RBFOX1: variants seen among roughly 807,000 people sequenced by gnomAD.
RBFOX1 encodes the protein RNA binding protein fox-1 homolog 1.
A neutral mutation model predicts 57.7 loss-of-function variants in RBFOX1; 8 were observed. The ratio of observed to expected loss-of-function variants is 0.14; its 90% CI spans 0.08 to 0.25. The LOEUF is 0.25. RBFOX1 is among the 10% of genes least tolerant of loss of function. The pLI is 1.00. For synonymous variants in RBFOX1, 326 were observed against 222.4 expected (o/e 1.47, Z -4.15); for missense variants, 611 against 548.5 (o/e 1.11, Z -1.14).
intron 1 of RBFOX1, among the ~76,000 whole-genome samples, chr16:5,282,056 T>C (rs765670756): frequency 4.6e-5 from 7 of 152,182 alleles, no homozygotes; most frequent in Non-Finnish European, 5.9e-5. Flanking sequence ...AGGGACCCAG[T>C]GGGACGTAGT....
chr16:5,700,281 C>T (rs974685339), intron 3 of RBFOX1, among the ~76,000 whole-genome samples: 1 of 152,098 alleles, frequency 6.6e-6, no homozygotes, highest in Non-Finnish European at 1.5e-5. Context: ...TATTCAAAAG[C>T]CCACTTTGAC....
intron 4 of RBFOX1, among the ~76,000 whole-genome samples, chr16:7,435,785 C>T (rs2098716886): frequency 6.6e-6 from 1 of 152,144 alleles, no homozygotes; most frequent in Non-Finnish European, 1.5e-5. Context: ...ACATCACAGC[C>T]ACAGTGCCAG....
At chr16:6,619,452 A>G (rs17140789) in intron 2 of RBFOX1, among the ~76,000 whole-genome samples, 18,673 of 152,240 alleles carry the variant, frequency 0.12, 1,434 homozygotes, top group Middle Eastern at 0.24. Context: ...TACATCAATT[A>G]CAGTTCAATC....
At chr16:5,559,435 C>A (rs189467480) in intron 2 of RBFOX1, among the ~76,000 whole-genome samples, 1 of 152,132 alleles carries the variant, frequency 6.6e-6, no homozygotes, top group Non-Finnish European at 1.5e-5. Context: ...AGGAAATAGA[C>A]TTATTTACAT....
chr16:5,500,220 C>A (rs543718975), intron 2 of RBFOX1, among the ~76,000 whole-genome samples: 1,640 of 115,024 alleles, frequency 0.014, 27 homozygotes, highest in African/African-American at 0.076. Flanking sequence ...GCATTCCGTT[C>A]CGTTCCGTTC....
chr16:5,569,438 CTTTTTTTTTT>C (rs796279138), intron 2 of RBFOX1, among the ~76,000 whole-genome samples: 19 of 49,208 alleles, frequency 3.9e-4, no homozygotes, highest in Admixed American at 1.1e-3. Flanking sequence ...AAGAAGTAAC[CTTTTTTTTTT>C]TTTTTTTTTT....
intron 4 of RBFOX1, among the ~76,000 whole-genome samples, chr16:7,277,522 T>C (rs916688290): frequency 6.6e-6 from 1 of 152,180 alleles, no homozygotes; most frequent in Non-Finnish European, 1.5e-5. Context: ...CTAGTGGTAA[T>C]TGAACCTAGA....
intron 4 of RBFOX1, among the ~76,000 whole-genome samples, chr16:7,052,851 T>A (rs1379029346): frequency 6.6e-6 from 1 of 152,178 alleles, no homozygotes; most frequent in Non-Finnish European, 1.5e-5. Flanking sequence ...GTGGATGAGA[T>A]TTAGATTATG....
intron 1 of RBFOX1, among the ~76,000 whole-genome samples, chr16:5,458,949 T>C (rs2068711433): frequency 1.3e-5 from 2 of 152,150 alleles, no homozygotes; most frequent in African/African-American, 4.8e-5. Flanking sequence ...CTTCAACTCT[T>C]CCAGGCTCTT....
At chr16:5,741,163 A>G (rs868418774) in intron 3 of RBFOX1, among the ~76,000 whole-genome samples, 16 of 152,128 alleles carry the variant, frequency 1.1e-4, no homozygotes, top group Admixed American at 2.6e-4. Context: ...CAGGCCATCA[A>G]CTTCCACGAG....
intron 3 of RBFOX1, among the ~76,000 whole-genome samples, chr16:6,805,354 C>T (rs1400767373): frequency 2.0e-5 from 3 of 152,068 alleles, no homozygotes; most frequent in African/African-American, 7.2e-5. Flanking sequence ...CACATGGACA[C>T]ACAGAGGGGA....
chr16:5,379,816 G>C (rs2066084465), intron 1 of RBFOX1, among the ~76,000 whole-genome samples: 1 of 152,174 alleles, frequency 6.6e-6, no homozygotes. Context: ...AGTGGTCTGG[G>C]TAACATTTCA....
chr16:6,701,571 G>C (rs1159569796), intron 3 of RBFOX1, among the ~76,000 whole-genome samples: 1 of 152,156 alleles, frequency 6.6e-6, no homozygotes, highest in East Asian at 1.9e-4. Context: ...GAAGGTGAAG[G>C]GGGAGCAGGA....
At chr16:7,565,945 G>C (rs1250622805) in intron 5 of RBFOX1, among the ~76,000 whole-genome samples, 1 of 152,130 alleles carries the variant, frequency 6.6e-6, no homozygotes, top group Non-Finnish European at 1.5e-5. Flanking sequence ...GATGCTCGTG[G>C]ATGAAGCAGC....
intron 4 of RBFOX1, among the ~76,000 whole-genome samples, chr16:7,173,176 A>G (rs557315467): frequency 1.3e-5 from 2 of 152,350 alleles, no homozygotes; most frequent in Admixed American, 1.3e-4. Flanking sequence ...AAATCATACA[A>G]CTGTTTTATT....
At chr16:6,167,495 TG>T (rs2096926641) in intron 1 of RBFOX1, among the ~76,000 whole-genome samples, 1 of 152,196 alleles carries the variant, frequency 6.6e-6, no homozygotes, top group South Asian at 2.1e-4. Flanking sequence ...TTTTGTTTTT[TG>T]TTTAACGGTT....
chr16:7,522,930 C>G (rs11648805), intron 5 of RBFOX1, among the ~76,000 whole-genome samples: 8,355 of 152,242 alleles, frequency 0.055, 318 homozygotes, highest in South Asian at 0.13. Context: ...TTACTGCTAT[C>G]CAGATAATGA....
chr16:7,696,950 A>T (rs2078990734), intron 14 of RBFOX1, among the ~76,000 whole-genome samples: 1 of 152,274 alleles, frequency 6.6e-6, no homozygotes, highest in East Asian at 1.9e-4. Flanking sequence ...TGGCCCACGG[A>T]TATGAGTACA....
chr16:5,304,979 G>C (rs919552100), intron 1 of RBFOX1, among the ~76,000 whole-genome samples: 2 of 152,026 alleles, frequency 1.3e-5, no homozygotes, highest in Admixed American at 1.3e-4. Flanking sequence ...CTGTTTTTCA[G>C]TTCCTTGTCT....
Sources: gnomAD v4.1 joint callset for allele counts (sites outside exome capture counted in the v4.1 genomes callset) on GRCh38, gnomAD v4.1.1 for gene constraint, MANE v1.5 for transcripts, NCBI Gene and HGNC (gene_info 2026-07-23, HGNC 2026-07-21) for gene names.